SAMD12: variants seen among roughly 807,000 people sequenced by gnomAD.
SAMD12 encodes sterile alpha motif domain-containing protein 12.
A neutral mutation model predicts 15.0 loss-of-function variants in SAMD12; 9 were observed. The ratio of observed to expected loss-of-function variants is 0.60; its 90% CI spans 0.36 to 1.05. The LOEUF (loss-of-function observed/expected upper bound fraction) is 1.05, where lower values mean the gene tolerates loss of function less well. Ranked by LOEUF, SAMD12 falls within the 50% of genes least tolerant of loss-of-function variation. The probability of loss-of-function intolerance (pLI) is 0.01; values close to 1 mark genes in which losing one functional copy is unlikely to be tolerated. For synonymous variants in SAMD12, 86 were observed against 90.1 expected, an observed-to-expected ratio of 0.96 and a Z score of 0.25; for missense variants, 230 against 234.2, an observed-to-expected ratio of 0.98 and a Z score of 0.12.
chr8:118,317,528 A>G (rs1815982975), intron 4 of SAMD12, among the ~76,000 whole-genome samples: 1 of 152,222 alleles, frequency 6.6e-6, no homozygotes, highest in South Asian at 2.1e-4. Context: ...TACAAAGAGT[A>G]TATAATGTAC....
chr8:118,470,058 G>C (rs1217422469), intron 2 of SAMD12, among the ~76,000 whole-genome samples: 2 of 151,974 alleles, frequency 1.3e-5, no homozygotes, highest in African/African-American at 2.4e-5. Flanking sequence ...AAGACAGAAA[G>C]AGAAAACTAC....
In SAMD12 at chr8:118,486,134, G is replaced by A. The variant is rs116234189; in HGVS notation, c.193-46173C>T. Among the ~76,000 whole-genome samples, 817 of 152,296 alleles carry A rather than the reference G, an allele frequency of 5.4e-3. 6 individuals are homozygous for A. Among genetic ancestry groups the A allele is most frequent in the African/African-American group, 0.019 (783 of 41,556 alleles). Reference sequence around the variant, plus strand: ...GCCCAAACTTAAAAGAAGAGAGTAGGCTGGGGGTGGTGGCTCACACCTGTA... The same window carrying A: ...GCCCAAACTTAAAAGAAGAGAGTAGACTGGGGGTGGTGGCTCACACCTGTA... On this transcript the variant is annotated intron_variant, in intron 2 of 3. Coordinates refer to ENST00000314727, the MANE Select transcript of SAMD12 (RefSeq NM_207506.3).
In SAMD12 at chr8:118,261,321, C is replaced by T. The variant is rs57431662; in HGVS notation, c.434-63589G>A. 2.8e-3 allele frequency among the ~76,000 whole-genome samples: 427 copies of T among 152,226 alleles called. 13 individuals carry two copies. The South Asian group carries it at 0.048, about 17-fold the overall frequency. On this transcript the variant is annotated intron_variant, in intron 4 of 4. Transcript: ENST00000409003. ...AATTCTTCTCCTGAATTCTTCACTG[C>T]TAACCTCAAACACAAAGCAAAATCA...
At chr8:118,553,605 TC>T (rs1255118406) in intron 2 of SAMD12, among the ~76,000 whole-genome samples, 1 of 149,244 alleles carries the variant, frequency 6.7e-6, no homozygotes, top group African/African-American at 2.5e-5. Context: ...GCATTACCAT[TC>T]AGGACATAGG....
At chr8:118,215,561 C>A (rs1811940093) in intron 4 of SAMD12, among the ~76,000 whole-genome samples, 1 of 151,922 alleles carries the variant, frequency 6.6e-6, no homozygotes. Flanking sequence ...TGCGCTGGAC[C>A]CACTAACTCG....
At chr8:118,536,255 C>T (rs918578149) in intron 2 of SAMD12, among the ~76,000 whole-genome samples, 4 of 152,160 alleles carry the variant, frequency 2.6e-5, no homozygotes, top group African/African-American at 9.7e-5. Flanking sequence ...TTACAGCTTT[C>T]CTCCTCTCCT....
intron 1 of SAMD12, among the ~76,000 whole-genome samples, chr8:118,600,182 G>A (rs967263817): frequency 9.9e-5 from 15 of 152,188 alleles, no homozygotes; most frequent in Admixed American, 9.2e-4. Flanking sequence ...GAGTGCAGCA[G>A]GGTGCCCCAA....
At position 118,458,262 on chromosome 8, in the gene SAMD12, C is replaced by A. The variant is rs143806408; in HGVS notation, c.193-18301G>T. 7.4e-3 allele frequency among the ~76,000 whole-genome samples: 1,127 copies of A among 152,074 alleles called. 5 individuals carry two copies. The highest frequency in any genetic ancestry group is 0.014 in the Middle Eastern group (4 of 294). ...AGCTTCCCTTTTCATTTTTTAATTCCATTTCCATTTTCCTCTTCAATGTAG... is the reference window on the plus strand; with the variant it reads ...AGCTTCCCTTTTCATTTTTTAATTCAATTTCCATTTTCCTCTTCAATGTAG... On this transcript the variant is annotated intron_variant, in intron 2 of 3. Coordinates refer to ENST00000314727, the MANE Select transcript of SAMD12 (RefSeq NM_207506.3).
Position 118,258,857 on chromosome 8 carries a change from G to A in SAMD12, c.434-61125C>T, listed in dbSNP as rs573552048. 1.5e-3 allele frequency among the ~76,000 whole-genome samples: 229 copies of A among 152,232 alleles called. 4 individuals carry two copies. Among genetic ancestry groups the A allele is most frequent in the Admixed American group, 0.015 (224 of 15,264 alleles). On this transcript the variant is annotated intron_variant, in intron 4 of 4. Transcript: ENST00000409003. Reference sequence around the variant, plus strand: ...GGCAGAAGCCTCTAAGAGGAAAGGAGTTGAGAATTGAGAAATGAGAAGGCC... The same window carrying A: ...GGCAGAAGCCTCTAAGAGGAAAGGAATTGAGAATTGAGAAATGAGAAGGCC...
intron 4 of SAMD12, among the ~76,000 whole-genome samples, chr8:118,200,138 T>C (rs938772193): frequency 2.0e-5 from 3 of 152,154 alleles, no homozygotes; most frequent in Non-Finnish European, 4.4e-5. Flanking sequence ...CCTTCTGCTA[T>C]GATTGTGAGG....
chr8:118,340,136 C>T (rs1817277578), intron 4 of SAMD12, among the ~76,000 whole-genome samples: 2 of 152,160 alleles, frequency 1.3e-5, no homozygotes, highest in Non-Finnish European at 2.9e-5. Context: ...ATTTCATTTG[C>T]CCCACAGGCT....
chr8:118,316,241 AGTTGGGAGATTGGCCAG>A (rs1218727692), intron 4 of SAMD12, among the ~76,000 whole-genome samples: 2 of 151,998 alleles, frequency 1.3e-5, no homozygotes, highest in Non-Finnish European at 2.9e-5. Flanking sequence ...AGCATATAAA[AGTTGGGAGATTGGCCAG>A]GTGCGGTGGC....
intron 3 of SAMD12, among the ~76,000 whole-genome samples, chr8:118,401,942 GCTTA>G (rs1313856806): frequency 6.6e-6 from 1 of 152,148 alleles, no homozygotes; most frequent in Non-Finnish European, 1.5e-5. Flanking sequence ...ATGAAAGTGA[GCTTA>G]CTTGAGGGTG....
At chr8:118,264,999 G>A (rs1261426625) in intron 4 of SAMD12, among the ~76,000 whole-genome samples, 4 of 152,112 alleles carry the variant, frequency 2.6e-5, no homozygotes, top group Admixed American at 2.0e-4. Context: ...CTGAGGGAGT[G>A]GAACTGCACT....
At chr8:118,552,362 G>T (rs368296762) in intron 2 of SAMD12, among the ~76,000 whole-genome samples, 1 of 152,080 alleles carries the variant, frequency 6.6e-6, no homozygotes, top group African/African-American at 2.4e-5. Context: ...GGGATGCAAG[G>T]CTGGTTCAAT....
chr8:118,472,417 T>A (rs1453314610), intron 2 of SAMD12, among the ~76,000 whole-genome samples: 1 of 152,150 alleles, frequency 6.6e-6, no homozygotes, highest in Admixed American at 6.5e-5. Context: ...CTTGGTGCAG[T>A]GGCTCATGCC....
rs538817497 is a variant in SAMD12, at chr8:118,438,781, G to A, written c.322+1051C>T. ...TGGGTTTGGAAAGAGGTTTGTCATC[G>A]AGAATGCTGAGCTATTTCATGACAA... On this transcript the variant is annotated intron_variant, in intron 3 of 3. Coordinates refer to ENST00000314727, the MANE Select transcript of SAMD12 (RefSeq NM_207506.3). 5.3e-5 allele frequency among the ~76,000 whole-genome samples: 8 copies of A among 152,250 alleles called. No individual in the cohort carries two copies. The East Asian group carries it at 1.4e-3, about 26-fold the overall frequency.
At chr8:118,135,888 T>C in the SAMD12 span, among the ~76,000 whole-genome samples, 2 of 152,002 alleles carry the variant, frequency 1.3e-5, no homozygotes, top group Non-Finnish European at 2.9e-5. Flanking sequence ...CTCCTTGGGT[T>C]CCTTGTGCTC....
the SAMD12 span, among the ~76,000 whole-genome samples, chr8:118,134,840 A>T: frequency 6.6e-6 from 1 of 151,498 alleles, no homozygotes; most frequent in African/African-American, 2.4e-5. Flanking sequence ...GAGCAAACTC[A>T]CTCCCTCACT....
Sources: allele counts gnomAD v4.1 joint callset (sites outside exome capture counted in the v4.1 genomes callset), GRCh38; gene constraint gnomAD v4.1.1; transcripts MANE v1.5; gene names NCBI Gene and HGNC (gene_info 2026-07-23, HGNC 2026-07-21).